Variants in UTRN observed in about 807,000 individuals in gnomAD.
UTRN encodes the protein utrophin.
In UTRN, 283 loss-of-function variants were observed where a neutral mutation model predicts 463.9. That is an observed-to-expected ratio of 0.61 (90% CI 0.55 to 0.67). The LOEUF is 0.67. Ranked by LOEUF, UTRN falls within the 30% of genes least tolerant of loss-of-function variation. The pLI, the probability that UTRN is intolerant of heterozygous loss-of-function variation, is 0.00. For missense variants in UTRN, 3,922 were observed against 4,084.3 expected (o/e 0.96, Z 1.08); for synonymous variants, 1,442 against 1,431.5 (o/e 1.01, Z -0.17).
intron 50 of UTRN, among the ~76,000 whole-genome samples, chr6:144,561,160 C>A (rs1554290149): frequency 1.5e-5 from 2 of 135,852 alleles, no homozygotes; most frequent in Non-Finnish European, 3.1e-5. Flanking sequence ...GTCTAAAATG[C>A]TATTTTAGCT....
rs144641517 is a variant in UTRN, at chr6:144,766,077, C to A, written c.8496-5830C>A. On this transcript the variant is annotated intron_variant, in intron 58 of 74. Transcript: ENST00000367545. ...ATTCCTGCAGCTTTCTCACCCACTA[C>A]CTCCATCCTCTCCCCAGGGGCTTTT... Among the ~76,000 whole-genome samples the A allele has an allele frequency of 1.4e-3, 215 of 151,864 alleles. 2 individuals carry two copies. Among genetic ancestry groups the A allele is most frequent in the African/African-American group, 5.0e-3 (206 of 41,396 alleles).
chr6:144,748,544 A>T, intron 55 of UTRN, 30 bp downstream of exon 55: 1 of 1,593,712 alleles, frequency 6.3e-7, no homozygotes. Flanking sequence ...AAGGATTTTT[A>T]AGAAATGTTT....
intron 2 of UTRN, among the ~76,000 whole-genome samples, chr6:144,360,179 T>C (rs1778956102): frequency 6.7e-6 from 1 of 148,922 alleles, no homozygotes; most frequent in Non-Finnish European, 1.5e-5. Context: ...CTTTCCTTCT[T>C]CCTTTCTTCC....
chr6:144,748,282 A>G lies in UTRN; in HGVS notation c.7976A>G (p.Lys2659Arg), dbSNP rs760601032. 15 of 1,612,838 alleles carry G rather than the reference A, an allele frequency of 9.3e-6. 1 individual carries two copies. In the South Asian group the frequency reaches 1.6e-4, roughly 18 times the overall value. The change falls in exon 55 of 75, where the codon AAA (lysine) becomes AGA (arginine). Residue 2659 changes from lysine (K) to arginine (R), a missense_variant. This residue lies in a region of UTRN where 1,309 missense variants were observed against 1,452.6 expected (regional missense o/e 0.90). Transcript: ENST00000367545. ...GAGGAGAGAGCCCAAAAGATTGCCAAAGCCATGCGCAAACAGTCTTCTGAA... is the reference window on the plus strand; with the variant it reads ...GAGGAGAGAGCCCAAAAGATTGCCAGAGCCATGCGCAAACAGTCTTCTGAA... ...TPEERAQKIA[K>R]AMRKQSSEVK...
intron 35 of UTRN, 33 bp downstream of exon 35, chr6:144,511,156 T>G (rs371954133): frequency 7.0e-7 from 1 of 1,437,634 alleles, no homozygotes; most frequent in African/African-American, 1.4e-5. Context: ...TGATGAAATC[T>G]TCTCCTCTCT....
intron 51 of UTRN, among the ~76,000 whole-genome samples, chr6:144,619,002 T>C (rs1300883358): frequency 6.6e-6 from 1 of 152,172 alleles, no homozygotes; most frequent in African/African-American, 2.4e-5. Flanking sequence ...AACTTTGATG[T>C]GATTAAGCTA....
intron 51 of UTRN, among the ~76,000 whole-genome samples, chr6:144,637,359 T>A (rs1023934008): frequency 1.3e-5 from 2 of 152,070 alleles, no homozygotes; most frequent in Non-Finnish European, 2.9e-5. Flanking sequence ...ACTATCTTCT[T>A]TATTATTTTA....
At chr6:144,417,239 A>G (rs1450386461) in intron 3 of UTRN, among the ~76,000 whole-genome samples, 2 of 152,172 alleles carry the variant, frequency 1.3e-5, no homozygotes, top group South Asian at 2.1e-4. Context: ...TTTTCCCTAC[A>G]TATCCCAGTC....
In UTRN at chr6:144,539,329, A is replaced by T; in HGVS notation, c.6405A>T (p.Lys2135Asn). 1 of 1,612,656 alleles carries T rather than the reference A, an allele frequency of 6.2e-7. No individual in the cohort carries two copies. The highest frequency in any genetic ancestry group is 8.5e-7 in the Non-Finnish European group (1 of 1,179,464). ...LTQEMEVHAE[K>N]LKWLNRTELE... ...AAGAAATGGAAGTACATGCTGAAAA[A>T]CTCAAATGGCTGAATAGAACTGAAT... is the stretch of plus-strand genomic sequence containing the variant. The change falls in exon 45 of 75, where the codon AAA (lysine) becomes AAT (asparagine). Residue 2135 changes from lysine to asparagine, a missense_variant. Physicochemically the swap from Lys to Asn is moderately conservative, Grantham distance 94. Around this residue, in one of 3 missense-constraint regions of UTRN, gnomAD observed 2,349 missense variants for 2,303.8 expected, o/e 1.02. Coordinates refer to ENST00000367545, the MANE Select transcript of UTRN (RefSeq NM_007124.3).
intron 51 of UTRN, among the ~76,000 whole-genome samples, chr6:144,620,250 T>TA (rs1304975807): frequency 1.3e-5 from 2 of 152,332 alleles, no homozygotes; most frequent in African/African-American, 4.8e-5. Context: ...CCTGTGCTGC[T>TA]AAACTCTCCA....
At chr6:144,415,856 G>T (rs922829162) in intron 3 of UTRN, among the ~76,000 whole-genome samples, 1 of 152,188 alleles carries the variant, frequency 6.6e-6, no homozygotes, top group Non-Finnish European at 1.5e-5. Flanking sequence ...ACCATGGTAA[G>T]AAGTGGTCAT....
At position 144,550,962 on chromosome 6, in the gene UTRN, C is replaced by A; in HGVS notation, c.6811-3C>A. Reference sequence around the variant, plus strand: ...TATCCGAATAATCATTTCTACTTAACAGATTACAAAGGCTGACTTAGAACA... The same window carrying A: ...TATCCGAATAATCATTTCTACTTAAAAGATTACAAAGGCTGACTTAGAACA... On this transcript the variant is annotated splice_region_variant and splice_polypyrimidine_tract_variant and intron_variant, in intron 47 of 74. Transcript: ENST00000367545. 6.3e-7 allele frequency: 1 copy of A among 1,589,204 alleles called. No homozygotes were observed. The highest frequency in any genetic ancestry group is 1.9e-5 in the Admixed American group (1 of 52,648).
chr6:144,827,765 T>G, intron 68 of UTRN, 89 bp downstream of exon 68: 1 of 1,430,534 alleles, frequency 7.0e-7, no homozygotes, highest in South Asian at 1.3e-5. Context: ...TATACCTTGA[T>G]TTAAGAAATG....
chr6:144,635,138 GTTT>G (rs149100143), intron 51 of UTRN, among the ~76,000 whole-genome samples: 2,267 of 103,064 alleles, frequency 0.022, 53 homozygotes, highest in African/African-American at 0.076. Context: ...TTATTTGTGT[GTTT>G]TTTTTTTTTT....
intron 50 of UTRN, among the ~76,000 whole-genome samples, chr6:144,576,080 C>T (rs185198129): frequency 2.6e-5 from 4 of 152,206 alleles, no homozygotes; most frequent in Admixed American, 1.3e-4. Context: ...TATTGTAACA[C>T]GTGTCAGTAC....
chr6:144,794,360 T>C (rs1056320177), intron 63 of UTRN, among the ~76,000 whole-genome samples: 1 of 152,174 alleles, frequency 6.6e-6, no homozygotes, highest in African/African-American at 2.4e-5. Flanking sequence ...GTCTGCTGTT[T>C]AGACGTTCTT....
intron 2 of UTRN, among the ~76,000 whole-genome samples, chr6:144,401,041 A>G (rs1405900368): frequency 6.6e-6 from 1 of 152,204 alleles, no homozygotes; most frequent in Non-Finnish European, 1.5e-5. Flanking sequence ...TGAAATAAGA[A>G]AGTTAAATGC....
chr6:144,836,025 C>G, intron 70 of UTRN, 87 bp downstream of exon 70: 7 of 1,534,630 alleles, frequency 4.6e-6, no homozygotes, highest in Non-Finnish European at 6.1e-6. Flanking sequence ...TTTTTCAAGA[C>G]TATTGTCTAA....
intron 33 of UTRN, among the ~76,000 whole-genome samples, chr6:144,495,681 G>A (rs541072468): frequency 2.0e-5 from 3 of 152,346 alleles, no homozygotes; most frequent in South Asian, 2.1e-4. Context: ...GGGCTGTGAG[G>A]ACTGCCAGCA....
Sources: gnomAD v4.1 joint callset for allele counts (sites outside exome capture counted in the v4.1 genomes callset) on GRCh38, gnomAD v4.1.1 for gene constraint, gnomAD v4.1.1 regional missense constraint, MANE v1.5 for transcripts, NCBI Gene and HGNC (gene_info 2026-07-23, HGNC 2026-07-21) for gene names.